AUTS2: variants seen among roughly 807,000 people sequenced by gnomAD.
The protein encoded by AUTS2 is activator of transcription and developmental regulator AUTS2.
In AUTS2, 17 loss-of-function variants were observed where a neutral mutation model predicts 112.4. The observed-to-expected ratio is 0.15, with a 90% CI of 0.10 to 0.23. The LOEUF (loss-of-function observed/expected upper bound fraction) is 0.23, where lower values mean the gene tolerates loss of function less well. Among genes scored for constraint, AUTS2 ranks in the 10% least tolerant of loss-of-function variants. The pLI, the probability that AUTS2 is intolerant of heterozygous loss-of-function variation, is 1.00. For missense variants in AUTS2, 1,510 were observed against 1,701.6 expected (o/e 0.89, Z 1.98); for synonymous variants, 751 against 702.7 (o/e 1.07, Z -1.09).
At chr7:69,730,734 G>A (rs997771961) in intron 1 of AUTS2, among the ~76,000 whole-genome samples, 15 of 152,172 alleles carry the variant, frequency 9.9e-5, no homozygotes, top group African/African-American at 3.6e-4. Context: ...ACCTTTGATT[G>A]TTAATATGTG....
chr7:70,464,188 A>G (rs963382362), intron 5 of AUTS2, among the ~76,000 whole-genome samples: 3 of 152,208 alleles, frequency 2.0e-5, no homozygotes, highest in Middle Eastern at 3.2e-3. Context: ...GTAGATGCTC[A>G]GTGATATTGC....
At chr7:70,401,911 T>G (rs1344079462) in intron 4 of AUTS2, among the ~76,000 whole-genome samples, 2 of 152,242 alleles carry the variant, frequency 1.3e-5, no homozygotes, top group African/African-American at 4.8e-5. Context: ...CAAAATCCAG[T>G]GTCTTTTGAG....
At chr7:69,747,918 A>G (rs1388870249) in intron 1 of AUTS2, among the ~76,000 whole-genome samples, 1 of 152,092 alleles carries the variant, frequency 6.6e-6, no homozygotes, top group Non-Finnish European at 1.5e-5. Context: ...AAGCATGCAG[A>G]GTTCATAGGG....
At chr7:70,021,859 A>G (rs1000100162) in intron 2 of AUTS2, among the ~76,000 whole-genome samples, 3 of 152,190 alleles carry the variant, frequency 2.0e-5, no homozygotes, top group Non-Finnish European at 4.4e-5. Context: ...ACACAGGTTT[A>G]TCTCTCTGAC....
At position 69,958,313 on chromosome 7, in the gene AUTS2, A is replaced by G. The variant is rs190064717; in HGVS notation, c.522+58815A>G. Among the ~76,000 whole-genome samples, 25 of 152,308 alleles carry G rather than the reference A, an allele frequency of 1.6e-4. No homozygotes were observed. In the East Asian group the frequency reaches 4.4e-3, roughly 27 times the overall value. ...TTATGACAGAGACTGTATGGCCTGC[A>G]AAACCTAAAGTATTTACTTTCTGGC... On this transcript the variant is annotated intron_variant, in intron 2 of 18. Coordinates refer to ENST00000342771, the MANE Select transcript of AUTS2 (RefSeq NM_015570.4).
chr7:70,547,335 A>C (rs1585285166), intron 5 of AUTS2, among the ~76,000 whole-genome samples: 1 of 151,696 alleles, frequency 6.6e-6, no homozygotes. Flanking sequence ...GCTCACTGCA[A>C]CCTCCGCCTC....
intron 6 of AUTS2, among the ~76,000 whole-genome samples, chr7:70,729,552 G>C (rs1324408387): frequency 1.3e-5 from 2 of 152,184 alleles, no homozygotes; most frequent in African/African-American, 4.8e-5. Flanking sequence ...TTCAGGGTAG[G>C]ACCCAGGTCT....
intron 5 of AUTS2, among the ~76,000 whole-genome samples, chr7:70,439,770 T>C (rs1796049387): frequency 6.6e-6 from 1 of 152,190 alleles, no homozygotes; most frequent in Non-Finnish European, 1.5e-5. Flanking sequence ...ATTTGGCCTA[T>C]ATTTTATTGT....
intron 1 of AUTS2, among the ~76,000 whole-genome samples, chr7:69,773,784 G>T (rs2129302346): frequency 6.6e-6 from 1 of 152,336 alleles, no homozygotes; most frequent in African/African-American, 2.4e-5. Context: ...AGGAGTATCA[G>T]CGGGGTCCAG....
At chr7:69,969,984 A>T (rs1294701106) in intron 2 of AUTS2, among the ~76,000 whole-genome samples, 1 of 152,196 alleles carries the variant, frequency 6.6e-6, no homozygotes, top group Non-Finnish European at 1.5e-5. Flanking sequence ...ATGACCAAAA[A>T]CATTGGCATA....
chr7:69,937,132 G>A (rs777603085), intron 2 of AUTS2, among the ~76,000 whole-genome samples: 1 of 152,158 alleles, frequency 6.6e-6, no homozygotes, highest in Non-Finnish European at 1.5e-5. Context: ...ACTGTAAAGA[G>A]GCTGTCCAGA....
intron 5 of AUTS2, among the ~76,000 whole-genome samples, chr7:70,525,773 G>A (rs1031019654): frequency 6.6e-5 from 10 of 152,194 alleles, no homozygotes; most frequent in Non-Finnish European, 8.8e-5. Flanking sequence ...ATGAACACTC[G>A]CATGGAAGCC....
intron 1 of AUTS2, among the ~76,000 whole-genome samples, chr7:69,876,349 A>AAAAATAT (rs1554396465): frequency 1.0e-4 from 3 of 29,492 alleles, no homozygotes; most frequent in African/African-American, 4.4e-4. Context: ...AAAAAAAAAA[A>AAAAATAT]ATATATATAT....
At chr7:69,615,047 G>A (rs1793292367) in intron 1 of AUTS2, among the ~76,000 whole-genome samples, 1 of 152,174 alleles carries the variant, frequency 6.6e-6, no homozygotes, top group Non-Finnish European at 1.5e-5. Flanking sequence ...TTTATGCTTT[G>A]ATTTTATGTA....
chr7:70,000,855 G>A (rs1009456308), intron 2 of AUTS2, among the ~76,000 whole-genome samples: 4 of 151,596 alleles, frequency 2.6e-5, no homozygotes, highest in East Asian at 3.9e-4. Flanking sequence ...TCTTTTGCCC[G>A]CCTCCTTTAA....
chr7:70,556,810 G>A (rs1199048342), intron 5 of AUTS2, among the ~76,000 whole-genome samples: 1 of 152,124 alleles, frequency 6.6e-6, no homozygotes, highest in African/African-American at 2.4e-5. Context: ...CAGATACCTT[G>A]ATGTAATTAT....
At chr7:69,955,675 G>A (rs2129546415) in intron 2 of AUTS2, among the ~76,000 whole-genome samples, 1 of 152,190 alleles carries the variant, frequency 6.6e-6, no homozygotes, top group Middle Eastern at 3.4e-3. Flanking sequence ...ACTTTCACCT[G>A]GCAACTTGCA....
intron 2 of AUTS2, among the ~76,000 whole-genome samples, chr7:70,067,255 G>A (rs945086660): frequency 6.6e-6 from 1 of 152,184 alleles, no homozygotes. Flanking sequence ...TTTACTGCCA[G>A]TCAATAAAGT....
chr7:70,023,086 C>G (rs1800346685), intron 2 of AUTS2, among the ~76,000 whole-genome samples: 2 of 152,170 alleles, frequency 1.3e-5, no homozygotes, highest in Non-Finnish European at 2.9e-5. Context: ...CTCAAGTGAT[C>G]TTTCTGCCTC....
Sources: allele counts gnomAD v4.1 joint callset (sites outside exome capture counted in the v4.1 genomes callset), GRCh38; gene constraint gnomAD v4.1.1; transcripts MANE v1.5; gene names NCBI Gene and HGNC (gene_info 2026-07-23, HGNC 2026-07-21).